NUTM2G: variants seen among roughly 807,000 people sequenced by gnomAD.
NUTM2G encodes family with sequence similarity 22, member G.
In NUTM2G, 29 loss-of-function variants were observed where a neutral mutation model predicts 44.3. That is an observed-to-expected ratio of 0.66 (90% CI 0.49 to 0.89). The LOEUF (loss-of-function observed/expected upper bound fraction) is 0.89, where lower values mean the gene tolerates loss of function less well. Among genes scored for constraint, NUTM2G ranks in the 40% least tolerant of loss-of-function variants. The pLI, the probability that NUTM2G is intolerant of heterozygous loss-of-function variation, is 0.00. For synonymous variants in NUTM2G, 205 were observed against 395.9 expected, an observed-to-expected ratio of 0.52 and a Z score of 5.72; for missense variants, 502 against 946.5, an observed-to-expected ratio of 0.53 and a Z score of 6.16.
downstream of NUTM2G, among the ~76,000 whole-genome samples, chr9:96,940,982 G>C (rs1218243698): frequency 2.9e-4 from 43 of 150,778 alleles, no homozygotes; most frequent in South Asian, 8.8e-3. Flanking sequence ...AGAGTCACTG[G>C]TGGGTGATGT....
Position 96,938,960 on chromosome 9 carries a change from C to G in NUTM2G, c.2037C>G (p.Ser679Arg). Reference sequence around the variant, plus strand: ...TCAGCCCATCACCTTCTCCTGCCAGCAAGTCCAAGAAGCGACCTCTCTTTG... The same window carrying G: ...TCAGCCCATCACCTTCTCCTGCCAGGAAGTCCAAGAAGCGACCTCTCTTTG... ...RGLSPSPSPA[S>R]KSKKRPLFGS... Residue 679 changes from serine to arginine, a missense_variant, in exon 7 of 7, where the codon AGC becomes AGG. Ser to Arg is a moderately radical substitution (Grantham distance 110). Coordinates refer to ENST00000372322, the MANE Select transcript of NUTM2G (RefSeq NM_001170741.3). 1 of 1,558,526 alleles carries G rather than the reference C, an allele frequency of 6.4e-7. No individual in the cohort carries two copies. Among genetic ancestry groups the G allele is most frequent in the Non-Finnish European group, 8.6e-7 (1 of 1,163,940 alleles).
rs750356766 is a variant in NUTM2G, at chr9:96,938,559, G to T, written c.1636G>T (p.Gly546Ter). Residue 546 changes from glycine (G) to a stop codon, truncating the protein, a stop_gained, in exon 7 of 7, where the codon GGA (glycine) becomes TGA (stop). Coordinates refer to ENST00000372322, the MANE Select transcript of NUTM2G (RefSeq NM_001170741.3). LOFTEE classifies it low-confidence loss of function (END_TRUNC). ...CCAGACGGCTGCCCAGGACCCTCAGGGACAGGGCAGAGTGCGCACTGGCAT... is the reference window on the plus strand; with the variant it reads ...CCAGACGGCTGCCCAGGACCCTCAGTGACAGGGCAGAGTGCGCACTGGCAT... ...PPQTAAQDPQ[G>*]QGRVRTGMAR... 2.5e-6 allele frequency: 4 copies of T among 1,613,718 alleles called. No individual in the cohort carries two copies. Among genetic ancestry groups the T allele is most frequent in the Non-Finnish European group, 3.4e-6 (4 of 1,179,702 alleles).
chr9:96,940,162 G>A (rs1261337496), downstream of NUTM2G: 3 of 143,296 alleles, frequency 2.1e-5, no homozygotes, highest in African/African-American at 8.0e-5. Flanking sequence ...AGGTGGGTGT[G>A]TCTGCTGGTC....
chr9:96,940,771 G>A (rs1042421422), downstream of NUTM2G, among the ~76,000 whole-genome samples: 4 of 152,294 alleles, frequency 2.6e-5, no homozygotes, highest in African/African-American at 9.6e-5. Flanking sequence ...AGGGAGCCAT[G>A]TTTGGGTTCT....
intron 3 of NUTM2G, 138 bp from the exon 4 acceptor site, chr9:96,936,287 C>G: frequency 6.8e-7 from 1 of 1,471,266 alleles, no homozygotes; most frequent in Non-Finnish European, 9.0e-7. Context: ...CCTCCTGGGA[C>G]TGGGGGATGG....
At chr9:96,940,585 T>G (rs987779742), downstream of NUTM2G, among the ~76,000 whole-genome samples, 84 of 150,780 alleles carry the variant, frequency 5.6e-4, no homozygotes, top group Admixed American at 5.0e-3. Context: ...GTCTGAGTTC[T>G]GATTCCTCTC....
intron 1 of NUTM2G, among the ~76,000 whole-genome samples, chr9:96,930,429 C>G (rs892990976): frequency 3.4e-4 from 51 of 149,206 alleles, no homozygotes; most frequent in Middle Eastern, 3.5e-3. Flanking sequence ...GAGGCTGAGG[C>G]AGGAGAAGTG....
rs1168888338 is a variant in NUTM2G at position 96,930,872 on chromosome 9, G to GTTTTTTTTTT, written c.17-819_17-810dup. On this transcript the variant is annotated intron_variant, in intron 1 of 6. Transcript: ENST00000372322. ...GGCTTGGGCGAGTTTCCATCCAGTGGTTTTTTTTTTTTTTTTTTTTTTTTT... is the reference window on the plus strand; with the variant it reads ...GGCTTGGGCGAGTTTCCATCCAGTGGTTTTTTTTTTTTTTTTTTTTTTTTTTTTTTTTTTT... 4.3e-4 allele frequency among the ~76,000 whole-genome samples: 31 copies of GTTTTTTTTTT among 72,724 alleles called. 7 individuals carry two copies. The highest frequency in any genetic ancestry group is 5.0e-4 in the Non-Finnish European group (20 of 40,044). The allele number at this position is 72,724 out of a possible 152,430, so 47.7% of individuals were successfully genotyped here. A position where few individuals can be genotyped will look rare whatever the true frequency, so the allele number is the denominator to read the frequency against.
chr9:96,934,301 G>C (rs140255689), intron 2 of NUTM2G, among the ~76,000 whole-genome samples: 1 of 152,228 alleles, frequency 6.6e-6, no homozygotes, highest in African/African-American at 2.4e-5. Context: ...CATATCCACC[G>C]TGCAACACAC....
At chr9:96,936,667 C>T in intron 4 of NUTM2G, 103 bp downstream of exon 4, 1 of 1,481,460 alleles carries the variant, frequency 6.8e-7, no homozygotes, top group Non-Finnish European at 8.9e-7. Flanking sequence ...GGGGGATTTG[C>T]TCCCTCCAAC....
chr9:96,935,161 G>C (rs1826385575), intron 2 of NUTM2G, among the ~76,000 whole-genome samples, 167 bp from the exon 3 acceptor site: 1 of 152,164 alleles, frequency 6.6e-6, no homozygotes, highest in South Asian at 2.1e-4. Context: ...TGTTGATGTT[G>C]GATCTTGGGG....
At chr9:96,940,464 C>T (rs1288809399), downstream of NUTM2G, among the ~76,000 whole-genome samples, 111 of 150,002 alleles carry the variant, frequency 7.4e-4, no homozygotes, top group African/African-American at 2.5e-3. Context: ...CCCATGTGGC[C>T]GACCTCTGCC....
intron 1 of NUTM2G, 21 bp from the exon 2 acceptor site, chr9:96,931,701 C>G (rs754784370): frequency 8.7e-6 from 14 of 1,610,988 alleles, no homozygotes; most frequent in Non-Finnish European, 1.2e-5. Flanking sequence ...GCTCATTCAC[C>G]TCTTTCCTTT....
chr9:96,934,507 G>A (rs1312601642), intron 2 of NUTM2G, among the ~76,000 whole-genome samples: 1 of 151,958 alleles, frequency 6.6e-6, no homozygotes, highest in East Asian at 1.9e-4. Context: ...TGGCTCCTGT[G>A]GGAATGTGGG....
Position 96,938,598 on chromosome 9 carries a change from G to C in NUTM2G, c.1675G>C (p.Asp559His). 1 of 1,610,828 alleles carries C rather than the reference G, an allele frequency of 6.2e-7. No homozygotes were observed. The highest frequency in any genetic ancestry group is 1.4e-5 in the African/African-American group (1 of 73,130). The change falls in exon 7 of 7, where the codon GAC (aspartate) becomes CAC (histidine). Residue 559 changes from aspartate to histidine, a missense_variant. Physicochemically the swap from Asp to His is moderately conservative, Grantham distance 81. Coordinates refer to ENST00000372322, the MANE Select transcript of NUTM2G (RefSeq NM_001170741.3). ...GCGCACTGGCATGGCCAGGTCCGAA[G>C]ACCCTGCTGTGCTTTTGGGATGTCA... Reference protein sequence around the residue: ...RVRTGMARSEDPAVLLGCQDS... With the variant: ...RVRTGMARSEHPAVLLGCQDS...
chr9:96,930,130 G>C (rs1461526966), intron 1 of NUTM2G, among the ~76,000 whole-genome samples: 2 of 151,950 alleles, frequency 1.3e-5, no homozygotes, highest in Non-Finnish European at 2.9e-5. Flanking sequence ...AAGAACCCCT[G>C]GTTCTTCGTT....
chr9:96,930,058 C>T (rs1826189686), intron 1 of NUTM2G, among the ~76,000 whole-genome samples: 1 of 152,284 alleles, frequency 6.6e-6, no homozygotes, highest in African/African-American at 2.4e-5. Context: ...CTAGAGACTG[C>T]ATGAGGTCCT....
downstream of NUTM2G, among the ~76,000 whole-genome samples, chr9:96,942,176 GC>G (rs1826609409): frequency 2.7e-5 from 4 of 150,274 alleles, no homozygotes; most frequent in South Asian, 8.5e-4. Context: ...AGCAAGGCCG[GC>G]CCCCGTTAGT....
In NUTM2G at chr9:96,937,288, G is replaced by A. The variant is rs1184317775; in HGVS notation, c.1207G>A (p.Gly403Arg). The A allele has an allele frequency of 1.2e-6, 2 of 1,613,706 alleles. No homozygotes were observed. Among genetic ancestry groups the A allele is most frequent in the Admixed American group, 1.7e-5 (1 of 59,994 alleles). Residue 403 changes from glycine to arginine, a missense_variant, in exon 5 of 7, where the codon GGA (glycine) becomes AGA (arginine). By Grantham distance (125) the Gly-to-Arg change is moderately radical. Transcript: ENST00000372322. ...CCCTGGGGACACAGGGGAGCCTGAG[G>A]GACAACGGGAAAAGGGCAAAGTGGA... ...SHPGDTGEPE[G>R]QREKGKVEQP...
Sources: allele counts gnomAD v4.1 joint callset (sites outside exome capture counted in the v4.1 genomes callset), GRCh38; gene constraint gnomAD v4.1.1; transcripts MANE v1.5; gene names NCBI Gene and HGNC (gene_info 2026-07-23, HGNC 2026-07-21).